The following WDR19 variants were observed in gnomAD, a reference collection of about 807,000 sequenced individuals.
WDR19 encodes the protein WD repeat-containing protein 19.
In WDR19, 121 loss-of-function variants were observed where a neutral mutation model predicts 180.0. That is an observed-to-expected ratio of 0.67 (90% CI 0.58 to 0.78). WDR19 has a LOEUF of 0.78. Ranked by LOEUF, WDR19 falls within the 30% of genes least tolerant of loss-of-function variation. The probability of loss-of-function intolerance (pLI) is 0.00; values close to 1 mark genes in which losing one functional copy is unlikely to be tolerated. For missense variants in WDR19, 1,450 were observed against 1,640.7 expected (o/e 0.88, Z 2.01); for synonymous variants, 497 against 540.7 (o/e 0.92, Z 1.12).
intron 34 of WDR19, 33 bp from the exon 35 acceptor site, chr4:39,278,098 G>T (rs1736086231): frequency 6.6e-6 from 10 of 1,523,520 alleles, no homozygotes; most frequent in Non-Finnish European, 8.9e-6. Flanking sequence ...TTAAAATAAA[G>T]ATGAATTTAA....
chr4:39,224,999 T>C lies in WDR19; in HGVS notation c.1595T>C (p.Ile532Thr), dbSNP rs749672769. ...CCAAATGGGACCAGATTAGTTTTCA[T>C]TGATGAAAAAAGTGATGGATTTGTT... Reference protein sequence around the residue: ...PDPNGTRLVFIDEKSDGFVYC... With the variant: ...PDPNGTRLVFTDEKSDGFVYC... The change falls in exon 15 of 37, where the codon ATT (isoleucine) becomes ACT (threonine). Residue 532 changes from isoleucine to threonine, a missense_variant. Transcript: ENST00000399820. 170 of 1,568,010 alleles carry C rather than the reference T, an allele frequency of 1.1e-4. 2 individuals carry two copies. The East Asian group carries it at 2.6e-3, about 24-fold the overall frequency.
At chr4:39,213,194 G>T (rs1458605009) in intron 9 of WDR19, among the ~76,000 whole-genome samples, 1 of 152,160 alleles carries the variant, frequency 6.6e-6, no homozygotes, top group Non-Finnish European at 1.5e-5. Context: ...TAAAAAACTG[G>T]ACATGCAATT....
intron 15 of WDR19, among the ~76,000 whole-genome samples, chr4:39,227,231 A>G (rs994537463): frequency 2.0e-5 from 3 of 152,222 alleles, no homozygotes; most frequent in Non-Finnish European, 2.9e-5. Context: ...AGTATGAATT[A>G]TTATTTGCAA....
intron 1 of WDR19, 44 bp from the exon 2 acceptor site, chr4:39,185,681 TG>T: frequency 6.6e-7 from 1 of 1,520,750 alleles, no homozygotes; most frequent in Non-Finnish European, 8.9e-7. Flanking sequence ...GATCAACACT[TG>T]ATTGTATGTT....
chr4:39,253,868 A>T (rs763137583), intron 25 of WDR19, 38 bp from the exon 26 acceptor site: 3 of 1,514,506 alleles, frequency 2.0e-6, no homozygotes, highest in Non-Finnish European at 2.7e-6. Flanking sequence ...TCACAAATTT[A>T]TATTAAGAGT....
chr4:39,207,732 A>G (rs929647668), intron 9 of WDR19, among the ~76,000 whole-genome samples: 2 of 152,232 alleles, frequency 1.3e-5, no homozygotes, highest in Non-Finnish European at 2.9e-5. Context: ...TCTCTAAAAG[A>G]ACTGCTGAAG....
chr4:39,284,135 C>T (rs776998234), intron 36 of WDR19, among the ~76,000 whole-genome samples: 2 of 146,184 alleles, frequency 1.4e-5, no homozygotes, highest in Non-Finnish European at 3.0e-5. Flanking sequence ...CATTTTGAGA[C>T]ATTATTTCTT....
chr4:39,265,960 A>G, intron 28 of WDR19, 103 bp from the exon 29 acceptor site: 1 of 941,680 alleles, frequency 1.1e-6, no homozygotes, highest in Non-Finnish European at 1.7e-6. Context: ...AGATACTATT[A>G]ATGTTTTTTA....
In WDR19 at chr4:39,218,054, C is replaced by T. The variant is rs267600148; in HGVS notation, c.1428C>T (p.Cys476=). 3.1e-6 allele frequency: 5 copies of T among 1,613,892 alleles called. No individual in the cohort carries two copies. The highest frequency in any genetic ancestry group is 4.2e-6 in the Non-Finnish European group (5 of 1,179,838). The change falls in exon 14 of 37, where the codon TGC becomes TGT. Residue 476 remains cysteine (C), a synonymous_variant. Transcript: ENST00000399820. The stretch of plus-strand genomic sequence containing the variant: ...TTTTCCCAGCAGTGGATGATAAGTG[C>T]CGTATCTTATGCCATGCCTTAACTA... ...TRLFPAVDDK[C]RILCHALTSD... is the part of the protein sequence containing the mutation.
intron 12 of WDR19, among the ~76,000 whole-genome samples, chr4:39,216,879 A>C (rs1232547811): frequency 2.6e-5 from 4 of 152,244 alleles, no homozygotes; most frequent in African/African-American, 7.2e-5. Flanking sequence ...ATTGTTTTGC[A>C]TATAATTTTA....
At chr4:39,258,318 A>T (rs1578011830) in intron 28 of WDR19, among the ~76,000 whole-genome samples, 1 of 151,908 alleles carries the variant, frequency 6.6e-6, no homozygotes, top group Admixed American at 6.6e-5. Flanking sequence ...TTGCCCAGCT[A>T]ATTTTTGTAT....
chr4:39,281,230 T>TAGAGAG (rs796659495), intron 36 of WDR19, among the ~76,000 whole-genome samples: 38 of 97,116 alleles, frequency 3.9e-4, no homozygotes, highest in Non-Finnish European at 5.8e-4. Flanking sequence ...TATATATATA[T>TAGAGAG]ATATATAGAG....
Position 39,215,893 on chromosome 4 carries a change from C to A in WDR19, c.1014C>A (p.Thr338=), listed in dbSNP as rs756901330. The change falls in exon 11 of 37, where the codon ACC becomes ACA. Residue 338 remains threonine, a synonymous_variant. Transcript: ENST00000399820. The part of the protein sequence containing the change: ...TDDGQLLALS[T]QRGSLHVFLT... ...ATGGCCAGTTGCTAGCACTCTCTAC[C>A]CAAAGGGGCTCACTTCATGTTTTCC... The A allele has an allele frequency of 3.7e-6, 6 of 1,613,802 alleles. No homozygotes were observed. Among genetic ancestry groups the A allele is most frequent in the Non-Finnish European group, 4.2e-6 (5 of 1,179,812 alleles).
intron 24 of WDR19, among the ~76,000 whole-genome samples, chr4:39,245,867 G>C (rs1294056576): frequency 6.6e-6 from 1 of 152,208 alleles, no homozygotes; most frequent in Admixed American, 6.5e-5. Flanking sequence ...GCTTGCTTAA[G>C]CTGCTTAACT....
Position 39,216,132 on chromosome 4 carries a change from A to G in WDR19, c.1171A>G (p.Asn391Asp). The change falls in exon 12 of 37, where the codon AAC (asparagine) becomes GAC (aspartate). Residue 391 changes from asparagine (N) to aspartate (D), a missense_variant. Asn to Asp is a conservative substitution (Grantham distance 23). Coordinates refer to ENST00000399820, the MANE Select transcript of WDR19 (RefSeq NM_025132.4). ...CACAGTTTCTGTTGATGTGGAACCC[A>G]ACTTTGTGGCAGTAGGTCTTTATCA... ...PITVSVDVEPNFVAVGLYHLA... is the reference protein window; with the variant it reads ...PITVSVDVEPDFVAVGLYHLA... 1.3e-6 allele frequency: 2 copies of G among 1,594,444 alleles called. No homozygotes were observed. Among genetic ancestry groups the G allele is most frequent in the South Asian group, 2.3e-5 (2 of 86,940 alleles).
intron 34 of WDR19, 64 bp from the exon 35 acceptor site, chr4:39,278,067 A>G (rs1736081110): frequency 1.4e-6 from 2 of 1,398,908 alleles, no homozygotes; most frequent in African/African-American, 1.5e-5. Context: ...AAAAAAAAAA[A>G]TTGACTAACA....
intron 9 of WDR19, among the ~76,000 whole-genome samples, chr4:39,211,199 A>G (rs1728468653): frequency 6.6e-6 from 1 of 152,172 alleles, no homozygotes; most frequent in Admixed American, 6.5e-5. Flanking sequence ...TCAAAAAAAA[A>G]AGAACAACTA....
intron 9 of WDR19, among the ~76,000 whole-genome samples, chr4:39,214,373 C>A (rs966523955): frequency 2.6e-5 from 4 of 152,102 alleles, no homozygotes; most frequent in African/African-American, 7.2e-5. Flanking sequence ...ACCCGCCCCC[C>A]ATCTCTGCAC....
intron 23 of WDR19, 43 bp downstream of exon 23, chr4:39,244,595 G>C (rs759208765): frequency 6.2e-7 from 1 of 1,610,718 alleles, no homozygotes. Flanking sequence ...GATTGGAAAT[G>C]AATGTGCCTC....
Sources: gnomAD v4.1 joint callset for allele counts (sites outside exome capture counted in the v4.1 genomes callset) on GRCh38, gnomAD v4.1.1 for gene constraint, MANE v1.5 for transcripts, NCBI Gene and HGNC (gene_info 2026-07-23, HGNC 2026-07-21) for gene names.